Variants in PLA1A observed in about 807,000 individuals in gnomAD.
The protein encoded by PLA1A is phospholipase A1 member A.
Under a neutral mutation model 49.4 loss-of-function variants are expected in PLA1A, and 47 were observed. That is an observed-to-expected ratio of 0.95 (90% CI 0.75 to 1.21). The LOEUF is 1.21. Among genes scored for constraint, PLA1A ranks in the 50% most tolerant of loss-of-function variants. PLA1A has a pLI of 0.00. For missense variants in PLA1A, 561 were observed against 563.9 expected (o/e 0.99, Z 0.05); for synonymous variants, 224 against 207.9 (o/e 1.08, Z -0.67).
In PLA1A at chr3:119,628,715, G is replaced by A. The variant is rs770754876; in HGVS notation, c.1136G>A (p.Arg379His). 19 of 1,613,980 alleles carry A rather than the reference G, an allele frequency of 1.2e-5. No individual in the cohort carries two copies. Among genetic ancestry groups the A allele is most frequent in the South Asian group, 9.9e-5 (9 of 91,090 alleles). Reference sequence around the variant, plus strand: ...TTTTCTTGCAGACCTAAGCAGCAACGCTATGGGAAAGGAATCATAGCCCAT... The same window carrying A: ...TTTTCTTGCAGACCTAAGCAGCAACACTATGGGAAAGGAATCATAGCCCAT... ...SSKITIPKQQ[R>H]YGKGIIAHAT... Residue 379 changes from arginine (R) to histidine (H), a missense_variant, in exon 10 of 11, where the codon CGC (arginine) becomes CAC (histidine). By Grantham distance (29) the Arg-to-His change is conservative. Coordinates refer to ENST00000273371, the MANE Select transcript of PLA1A (RefSeq NM_015900.4).
chr3:119,628,691 T>C lies in PLA1A; in HGVS notation c.1122-10T>C, dbSNP rs1206062090. On this transcript the variant is annotated splice_polypyrimidine_tract_variant and intron_variant, in intron 9 of 10. Transcript: ENST00000273371. ...CAGTCATTTACTTTCCCTTTACCCT[T>C]TTCTTGCAGACCTAAGCAGCAACGC... is the stretch of plus-strand genomic sequence containing the variant. 6.2e-7 allele frequency: 1 copy of C among 1,613,846 alleles called. No individual in the cohort carries two copies. The highest frequency in any genetic ancestry group is 2.2e-5 in the East Asian group (1 of 44,884).
intron 5 of PLA1A, among the ~76,000 whole-genome samples, chr3:119,614,589 G>C (rs1181290890): frequency 7.7e-6 from 1 of 129,756 alleles, no homozygotes; most frequent in Non-Finnish European, 1.6e-5. Flanking sequence ...CTGGGTGACA[G>C]AGTGAGACTT....
chr3:119,600,425 T>C (rs1446099200), intron 1 of PLA1A: 2 of 702,952 alleles, frequency 2.8e-6, no homozygotes, highest in Non-Finnish European at 5.2e-6. Flanking sequence ...TTTCTTTGTG[T>C]TCTCTCAGTA....
chr3:119,621,624 C>T (rs2082933007), intron 8 of PLA1A, among the ~76,000 whole-genome samples: 2 of 152,218 alleles, frequency 1.3e-5, no homozygotes, highest in Non-Finnish European at 2.9e-5. Flanking sequence ...CCTCATAGAA[C>T]AGTTTTTCAC....
At chr3:119,606,181 C>A (rs1226163479) in intron 1 of PLA1A, among the ~76,000 whole-genome samples, 1 of 152,208 alleles carries the variant, frequency 6.6e-6, no homozygotes, top group Non-Finnish European at 1.5e-5. Flanking sequence ...CCTCACAATT[C>A]TGGAGGCTGG....
At position 119,615,883 on chromosome 3, in the gene PLA1A, C is replaced by A. The variant is rs930683888; in HGVS notation, c.665-129C>A. On this transcript the variant is annotated intron_variant, in intron 5 of 10. Transcript: ENST00000273371. Reference sequence around the variant, plus strand: ...AAAGAAATCTGTCTGAGGGCTCATCCTGTGAAGTCTCACAGCACTTAGAAG... The same window carrying A: ...AAAGAAATCTGTCTGAGGGCTCATCATGTGAAGTCTCACAGCACTTAGAAG... 6.2e-6 allele frequency: 4 copies of A among 646,332 alleles called. No homozygotes were observed. In the Admixed American group the frequency reaches 7.9e-5, roughly 13 times the overall value. The allele number at this position is 646,332 out of a possible 1,614,324, so 40.0% of individuals were successfully genotyped here. A position where few individuals can be genotyped will look rare whatever the true frequency, so the allele number is the denominator to read the frequency against.
chr3:119,602,238 A>G (rs1333102842), intron 1 of PLA1A, among the ~76,000 whole-genome samples: 1 of 152,146 alleles, frequency 6.6e-6, no homozygotes, highest in Non-Finnish European at 1.5e-5. Context: ...TAAGCTAGGG[A>G]TCAATAGAAT....
chr3:119,608,870 A>G lies in PLA1A; in HGVS notation c.376A>G (p.Thr126Ala), dbSNP rs761106273. ...TGCCGTGGACTGGATTTATGGGTCTACAGGAGTCTACTTCTCAGCTGTGAA... is the reference window on the plus strand; with the variant it reads ...TGCCGTGGACTGGATTTATGGGTCTGCAGGAGTCTACTTCTCAGCTGTGAA... ...VIAVDWIYGS[T>A]GVYFSAVKNV... The change falls in exon 3 of 11, where the codon ACA (threonine) becomes GCA (alanine). Residue 126 changes from threonine to alanine, a missense_variant. Coordinates refer to ENST00000273371, the MANE Select transcript of PLA1A (RefSeq NM_015900.4). 2 of 1,613,830 alleles carry G rather than the reference A, an allele frequency of 1.2e-6. No individual in the cohort carries two copies. The highest frequency in any genetic ancestry group is 1.7e-5 in the Admixed American group (1 of 60,008).
At chr3:119,625,015 C>A (rs2052496846) in intron 8 of PLA1A, 109 bp from the exon 9 acceptor site, 2 of 671,654 alleles carry the variant, frequency 3.0e-6, no homozygotes, top group Non-Finnish European at 5.4e-6. Context: ...GGGCACACAG[C>A]CACTAAGAGA....
At chr3:119,625,950 G>C (rs1187272545) in intron 9 of PLA1A, among the ~76,000 whole-genome samples, 1 of 152,152 alleles carries the variant, frequency 6.6e-6, no homozygotes, top group Non-Finnish European at 1.5e-5. Flanking sequence ...CAAGCCAGCG[G>C]GAGACAGATT....
At chr3:119,609,645 C>A in intron 4 of PLA1A, 69 bp downstream of exon 4, 1 of 846,884 alleles carries the variant, frequency 1.2e-6, no homozygotes, top group Non-Finnish European at 2.0e-6. Context: ...AATATCTCTT[C>A]TAAAGCAAGC....
At chr3:119,609,624 C>A in intron 4 of PLA1A, 48 bp downstream of exon 4, 1 of 1,058,690 alleles carries the variant, frequency 9.4e-7, no homozygotes, top group South Asian at 1.3e-5. Context: ...ATAGAGAAAG[C>A]TTGCCCTGAA....
chr3:119,625,228 A>G lies in PLA1A; in HGVS notation c.1117A>G (p.Thr373Ala). The change falls in exon 9 of 11, where the codon ACC becomes GCC. Residue 373 changes from threonine to alanine, a missense_variant. Physicochemically the swap from Thr to Ala is moderately conservative, Grantham distance 58 (BLOSUM62 0). Transcript: ENST00000273371. Reference sequence around the variant, plus strand: ...TAACATCACCTCTTCATCTAAGATCACCATGTACGTAAGTGTCCCACCTGG... The same window carrying G: ...TAACATCACCTCTTCATCTAAGATCGCCATGTACGTAAGTGTCCCACCTGG... ...SSNITSSSKI[T>A]IPKQQRYGKG... The G allele has an allele frequency of 6.3e-7, 1 of 1,599,046 alleles. No homozygotes were observed. The highest frequency in any genetic ancestry group is 1.1e-5 in the South Asian group (1 of 90,738).
intron 1 of PLA1A, among the ~76,000 whole-genome samples, chr3:119,605,512 C>G (rs1266078984): frequency 6.6e-6 from 1 of 152,236 alleles, no homozygotes; most frequent in Non-Finnish European, 1.5e-5. Context: ...AAGTTACTGT[C>G]TTCCTCAACA....
chr3:119,608,370 G>A (rs1434201245), intron 2 of PLA1A, among the ~76,000 whole-genome samples: 1 of 152,144 alleles, frequency 6.6e-6, no homozygotes, highest in African/African-American at 2.4e-5. Flanking sequence ...TAACTCTAGG[G>A]CATAACTCTA....
intron 8 of PLA1A, 104 bp from the exon 9 acceptor site, chr3:119,625,020 A>G (rs1418823056): frequency 7.2e-6 from 5 of 690,700 alleles, no homozygotes; most frequent in Middle Eastern, 3.5e-4. Context: ...CACAGCCACT[A>G]AGAGATAGAG....
intron 1 of PLA1A, among the ~76,000 whole-genome samples, chr3:119,602,184 A>G (rs1449552847): frequency 6.6e-6 from 1 of 152,186 alleles, no homozygotes; most frequent in African/African-American, 2.4e-5. Flanking sequence ...CATAGAATGA[A>G]CTGGAATCCT....
chr3:119,598,976 G>A (rs1560074302), intron 1 of PLA1A, among the ~76,000 whole-genome samples: 1 of 152,174 alleles, frequency 6.6e-6, no homozygotes. Context: ...TCCCTAAAAG[G>A]TGAGGATTTG....
chr3:119,615,922 A>T, intron 5 of PLA1A, 90 bp from the exon 6 acceptor site: 1 of 749,498 alleles, frequency 1.3e-6, no homozygotes. Flanking sequence ...CGTGGCAGAG[A>T]GTGGGTGGGC....
Sources: gnomAD v4.1 joint callset for allele counts (sites outside exome capture counted in the v4.1 genomes callset) on GRCh38, gnomAD v4.1.1 for gene constraint, MANE v1.5 for transcripts, NCBI Gene and HGNC (gene_info 2026-07-23, HGNC 2026-07-21) for gene names.